The following GABRR3 variants were observed in gnomAD, a reference collection of about 807,000 sequenced individuals.
GABRR3 encodes gamma-aminobutyric acid type A receptor subunit rho3.
Under a neutral mutation model 43.2 loss-of-function variants are expected in GABRR3, and 29 were observed. The ratio of observed to expected loss-of-function variants is 0.67; its 90% confidence interval spans 0.50 to 0.92. GABRR3 has a LOEUF of 0.92. Among genes scored for constraint, GABRR3 ranks in the 40% least tolerant of loss-of-function variants. The pLI, the probability that GABRR3 is intolerant of heterozygous loss-of-function variation, is 0.00. For synonymous variants in GABRR3, 206 were observed against 195.9 expected (o/e 1.05, Z -0.43); for missense variants, 576 against 572.3 (o/e 1.01, Z -0.07).
intron 2 of GABRR3, among the ~76,000 whole-genome samples, chr3:98,030,837 A>G (rs1257604103): frequency 3.9e-5 from 6 of 152,224 alleles, no homozygotes; most frequent in Admixed American, 2.0e-4. Flanking sequence ...AACTTTTTGT[A>G]GGCTTATTAT....
At chr3:98,008,132 T>G (rs1037779801) in intron 6 of GABRR3, among the ~76,000 whole-genome samples, 1 of 152,214 alleles carries the variant, frequency 6.6e-6, no homozygotes, top group African/African-American at 2.4e-5. Flanking sequence ...AGTATGGATC[T>G]TGTGCCCACA....
At chr3:97,993,873 G>C (rs1706503670) in intron 8 of GABRR3, among the ~76,000 whole-genome samples, 1 of 151,856 alleles carries the variant, frequency 6.6e-6, no homozygotes, top group Non-Finnish European at 1.5e-5. Context: ...TCAGAGGTAA[G>C]AAGATCAAGG....
At chr3:98,011,773 A>T (rs1003399610) in intron 5 of GABRR3, among the ~76,000 whole-genome samples, 5 of 152,188 alleles carry the variant, frequency 3.3e-5, no homozygotes, top group Non-Finnish European at 7.3e-5. Context: ...ACATTTTTAG[A>T]ATTATCCATG....
At chr3:98,002,894 G>T (rs1252593725) in intron 7 of GABRR3, among the ~76,000 whole-genome samples, 1 of 152,060 alleles carries the variant, frequency 6.6e-6, no homozygotes, top group Non-Finnish European at 1.5e-5. Context: ...CTATTAGATG[G>T]ATCACTTAAG....
At chr3:97,991,617 T>C (rs976888392) in intron 9 of GABRR3, among the ~76,000 whole-genome samples, 1 of 152,214 alleles carries the variant, frequency 6.6e-6, no homozygotes, top group Non-Finnish European at 1.5e-5. Flanking sequence ...CAGATCTGAA[T>C]TGCAACTGCA....
At chr3:98,007,786 T>C (rs754495995) in exon 7 of GABRR3, 1 of 1,613,588 alleles carries the variant, frequency 6.2e-7, no homozygotes. Flanking sequence ...AGAAAGCTAA[T>C]CCACTAGATG....
intron 9 of GABRR3, among the ~76,000 whole-genome samples, chr3:97,988,020 G>A (rs1706409313): frequency 6.6e-6 from 1 of 151,872 alleles, no homozygotes; most frequent in Non-Finnish European, 1.5e-5. Context: ...GAGGAGTGAG[G>A]CAACACCAAC....
intron 4 of GABRR3, among the ~76,000 whole-genome samples, chr3:98,013,634 T>G (rs1225888080): frequency 6.6e-6 from 1 of 152,138 alleles, no homozygotes; most frequent in Non-Finnish European, 1.5e-5. Flanking sequence ...TCTGAATGAG[T>G]CACCAATTAA....
At position 97,992,928 on chromosome 3, in the gene GABRR3, AG is replaced by A; in HGVS notation, c.1027del (p.Leu343CysfsTer9). On this transcript the variant is annotated frameshift_variant, in exon 9 of 10. Transcript: ENST00000621172. LOFTEE classifies it high-confidence loss of function. ...CACAGCTGCATACTCAATGACTGAC[AG>A]GAACACAAAGAGGGAGCTGACCCAC... 6.2e-7 allele frequency: 1 copy of A among 1,613,696 alleles called. No homozygotes were observed. The highest frequency in any genetic ancestry group is 8.5e-7 in the Non-Finnish European group (1 of 1,179,692).
intron 2 of GABRR3, among the ~76,000 whole-genome samples, chr3:98,026,602 G>GTCA (rs367904103): frequency 0.014 from 1,399 of 101,580 alleles, 18 homozygotes; most frequent in African/African-American, 0.035. Context: ...AAAGGTGGCT[G>GTCA]TCATCATCAT....
chr3:97,993,390 G>A (rs937129), intron 8 of GABRR3, among the ~76,000 whole-genome samples: 72,338 of 151,880 alleles, frequency 0.48, 17,711 homozygotes, highest in African/African-American at 0.58. Context: ...CAATTTAAAA[G>A]AGTATTCTAA....
In GABRR3 at chr3:98,001,518, C is replaced by T. The variant is rs558490504; in HGVS notation, c.907+97G>A. On this transcript the variant is annotated intron_variant, in intron 8 of 9. Coordinates refer to ENST00000621172, the Ensembl canonical transcript of GABRR3. ...TCATCTCTGACTATCCCTACTAAAC[C>T]ACCACTCTCTTTTCCTCTCCATGTA... 211 of 1,307,548 alleles carry T rather than the reference C, an allele frequency of 1.6e-4. 2 individuals are homozygous for T. The South Asian group carries it at 2.1e-3, about 13-fold the overall frequency. The allele number at this position is 1,307,548 out of a possible 1,614,324, so 81.0% of individuals were successfully genotyped here.
At chr3:98,007,566 C>G (rs1706736756) in intron 7 of GABRR3, 198 bp downstream of exon 7, 2 of 155,922 alleles carry the variant, frequency 1.3e-5, no homozygotes, top group African/African-American at 4.8e-5. Context: ...AGCAAGGCAT[C>G]TAGTTAGAGG....
At chr3:98,017,714 C>G in exon 4 of GABRR3, 2 of 1,608,532 alleles carry the variant, frequency 1.2e-6, no homozygotes, top group African/African-American at 1.3e-5. Context: ...CCTACTGGCA[C>G]TGGAGACCCT....
At chr3:98,012,783 G>A (rs542463460) in intron 4 of GABRR3, among the ~76,000 whole-genome samples, 11 of 152,150 alleles carry the variant, frequency 7.2e-5, no homozygotes, top group African/African-American at 2.4e-4. Flanking sequence ...AGAATTTCTG[G>A]GAGTTATAAT....
chr3:97,992,310 C>A (rs1455935858), intron 9 of GABRR3, among the ~76,000 whole-genome samples: 1 of 152,134 alleles, frequency 6.6e-6, no homozygotes, highest in African/African-American at 2.4e-5. Flanking sequence ...TGAGAGCACA[C>A]ACACAGCCTT....
intron 2 of GABRR3, 87 bp downstream of exon 2, chr3:98,034,776 A>T: frequency 6.7e-7 from 1 of 1,491,668 alleles, no homozygotes; most frequent in Non-Finnish European, 9.2e-7. Context: ...ACCATTAAAG[A>T]TACGTTTCCA....
intron 9 of GABRR3, among the ~76,000 whole-genome samples, chr3:97,988,542 G>A (rs560277802): frequency 2.0e-5 from 3 of 152,196 alleles, no homozygotes; most frequent in South Asian, 4.2e-4. Context: ...GTGTGGTGGT[G>A]GATAGTAATA....
chr3:98,025,139 G>A (rs114398795), intron 3 of GABRR3, among the ~76,000 whole-genome samples: 3 of 152,134 alleles, frequency 2.0e-5, no homozygotes, highest in East Asian at 1.9e-4. Flanking sequence ...GTGATAAACC[G>A]TTTTTAAAAG....
Sources: allele counts gnomAD v4.1 joint callset (sites outside exome capture counted in the v4.1 genomes callset), GRCh38; gene constraint gnomAD v4.1.1; transcripts MANE v1.5; gene names NCBI Gene and HGNC (gene_info 2026-07-23, HGNC 2026-07-21).